ZFR: variants seen among roughly 807,000 people sequenced by gnomAD.
The protein encoded by ZFR is zinc finger RNA-binding protein.
In ZFR, 19 loss-of-function variants were observed where a neutral mutation model predicts 130.7. The observed-to-expected ratio is 0.15, with a 90% CI of 0.10 to 0.21. The LOEUF (loss-of-function observed/expected upper bound fraction) is 0.21, where lower values mean the gene tolerates loss of function less well. ZFR is among the 10% of genes least tolerant of loss of function. The pLI is 1.00. For synonymous variants in ZFR, 466 were observed against 456.9 expected, an observed-to-expected ratio of 1.02 and a Z score of -0.25; for missense variants, 872 against 1,321.5, an observed-to-expected ratio of 0.66 and a Z score of 5.27.
At chr5:32,378,260 A>G (rs1331243436) in intron 17 of ZFR, among the ~76,000 whole-genome samples, 2 of 152,222 alleles carry the variant, frequency 1.3e-5, no homozygotes, top group African/African-American at 4.8e-5. Context: ...TGTCTATCAA[A>G]TGAATGTAAG....
intron 11 of ZFR, among the ~76,000 whole-genome samples, chr5:32,391,831 T>C (rs1204625906): frequency 2.6e-5 from 4 of 151,938 alleles, no homozygotes; most frequent in Admixed American, 2.6e-4. Context: ...CCTCCCATGA[T>C]CAGGTGATCC....
intron 2 of ZFR, among the ~76,000 whole-genome samples, chr5:32,433,061 G>C (rs1412873058): frequency 1.3e-5 from 2 of 152,060 alleles, no homozygotes; most frequent in Non-Finnish European, 1.5e-5. Context: ...ACTAGAATAA[G>C]ACAGCTTATC....
intron 11 of ZFR, among the ~76,000 whole-genome samples, chr5:32,393,764 C>T (rs984043087): frequency 6.6e-6 from 1 of 152,190 alleles, no homozygotes; most frequent in African/African-American, 2.4e-5. Context: ...CTGAGTTATG[C>T]TATCCAGTAT....
intron 15 of ZFR, among the ~76,000 whole-genome samples, chr5:32,384,246 A>T (rs1752989378): frequency 7.0e-6 from 1 of 143,122 alleles, no homozygotes; most frequent in Non-Finnish European, 1.5e-5. Flanking sequence ...ACCTGACCAG[A>T]TTGACTCAGG....
rs1245899118 is a variant in ZFR, at chr5:32,396,736, TC to T, written c.1833+482del. ...TCCAGCCTTGGCTACAGAGCGAGAC[TC>T]CATCTCATTAAAAAAAAAAACTTCA... is the stretch of plus-strand genomic sequence containing the variant. On this transcript the variant is annotated intron_variant, in intron 10 of 19. Coordinates refer to ENST00000265069, the MANE Select transcript of ZFR (RefSeq NM_016107.5). Among the ~76,000 whole-genome samples the T allele has an allele frequency of 4.0e-5, 6 of 151,866 alleles. No homozygotes were observed. In the East Asian group the frequency reaches 1.2e-3, roughly 29 times the overall value.
intron 15 of ZFR, among the ~76,000 whole-genome samples, chr5:32,380,646 ATTTCTTT>A (rs763215987): frequency 8.4e-6 from 1 of 119,246 alleles, no homozygotes; most frequent in Non-Finnish European, 1.7e-5. Flanking sequence ...CAAAACAGGC[ATTTCTTT>A]TTTTTTTTTT....
intron 11 of ZFR, among the ~76,000 whole-genome samples, chr5:32,392,012 C>G (rs1753191668): frequency 6.6e-6 from 1 of 152,166 alleles, no homozygotes; most frequent in Non-Finnish European, 1.5e-5. Context: ...GGATTACAGG[C>G]AGTGTGTCAC....
chr5:32,401,721 A>G (rs534335311), intron 8 of ZFR, among the ~76,000 whole-genome samples: 18 of 152,330 alleles, frequency 1.2e-4, no homozygotes, highest in Middle Eastern at 3.4e-3. Context: ...AGACTAACAC[A>G]ATAGATATGT....
At chr5:32,420,493 T>C (rs758521546) in intron 2 of ZFR, among the ~76,000 whole-genome samples, 18 of 152,098 alleles carry the variant, frequency 1.2e-4, no homozygotes, top group Non-Finnish European at 2.1e-4. Flanking sequence ...TTGTACAGTT[T>C]TACAAATCTC....
intron 2 of ZFR, among the ~76,000 whole-genome samples, chr5:32,436,591 A>G (rs1011261988): frequency 1.3e-5 from 2 of 152,194 alleles, no homozygotes; most frequent in African/African-American, 4.8e-5. Flanking sequence ...ATTGATAGAG[A>G]TATAATATAT....
At chr5:32,387,262 T>G (rs1463320412) in intron 14 of ZFR, among the ~76,000 whole-genome samples, 1 of 152,180 alleles carries the variant, frequency 6.6e-6, no homozygotes, top group African/African-American at 2.4e-5. Context: ...CTTCTTATGA[T>G]TCAAGTCTTG....
intron 2 of ZFR, among the ~76,000 whole-genome samples, chr5:32,437,925 A>G (rs1408405956): frequency 2.0e-5 from 3 of 152,156 alleles, no homozygotes; most frequent in African/African-American, 4.8e-5. Context: ...TTTTTAGCTG[A>G]ACACTCTCCT....
chr5:32,424,792 A>C lies in ZFR; in HGVS notation c.138-4689T>G, dbSNP rs1430469527. Among the ~76,000 whole-genome samples, 4 of 152,218 alleles carry C rather than the reference A, an allele frequency of 2.6e-5. No homozygotes were observed. In the South Asian group the frequency reaches 6.2e-4, roughly 24 times the overall value. ...ATAAATACTATTGATAAGATAAAAC[A>C]GTTTTTGCTTTAAAGTTTTAGAATC... On this transcript the variant is annotated intron_variant, in intron 2 of 19. Coordinates refer to ENST00000265069, the MANE Select transcript of ZFR (RefSeq NM_016107.5).
chr5:32,397,478 G>C lies in ZFR; in HGVS notation c.1714-140C>G, dbSNP rs1753341088. The C allele has an allele frequency of 5.4e-6, 6 of 1,104,364 alleles. No homozygotes were observed. In the South Asian group the frequency reaches 6.8e-5, roughly 13 times the overall value. 68.4% of individuals were successfully genotyped at this position (1,104,364 alleles called of 1,614,324 possible). A position where few individuals can be genotyped will look rare whatever the true frequency, so the allele number is the denominator to read the frequency against. On this transcript the variant is annotated intron_variant, in intron 9 of 19. Coordinates refer to ENST00000265069, the MANE Select transcript of ZFR (RefSeq NM_016107.5). ...TTACATTTTTTTTTTCCCCAGGACAGAGTCTTGCTCTGTCGCCCATGCTGG... is the reference window on the plus strand; with the variant it reads ...TTACATTTTTTTTTTCCCCAGGACACAGTCTTGCTCTGTCGCCCATGCTGG...
At chr5:32,368,419 G>A (rs1385436997) in intron 17 of ZFR, among the ~76,000 whole-genome samples, 1 of 152,168 alleles carries the variant, frequency 6.6e-6, no homozygotes, top group Non-Finnish European at 1.5e-5. Context: ...ATTTTTAGTA[G>A]AGATGGGAGT....
intron 2 of ZFR, among the ~76,000 whole-genome samples, chr5:32,439,445 T>A (rs1754411179): frequency 6.6e-6 from 1 of 152,194 alleles, no homozygotes; most frequent in South Asian, 2.1e-4. Flanking sequence ...CTCATTAGCT[T>A]ATCAGCCTAT....
chr5:32,432,117 G>A (rs145904268), intron 2 of ZFR, among the ~76,000 whole-genome samples: 2 of 151,810 alleles, frequency 1.3e-5, no homozygotes, highest in African/African-American at 4.8e-5. Context: ...TCAGCCTCCT[G>A]AGTAGCTGGG....
At chr5:32,437,739 A>G (rs1429710763) in intron 2 of ZFR, among the ~76,000 whole-genome samples, 1 of 152,196 alleles carries the variant, frequency 6.6e-6, no homozygotes, top group Admixed American at 6.5e-5. Flanking sequence ...AAACAGACAT[A>G]TATTAGATAT....
chr5:32,363,718 A>C (rs1438478356), intron 19 of ZFR, among the ~76,000 whole-genome samples: 1 of 152,224 alleles, frequency 6.6e-6, no homozygotes, highest in Non-Finnish European at 1.5e-5. Context: ...ATAATATACA[A>C]TACACTTACT....
Sources: allele counts gnomAD v4.1 joint callset (sites outside exome capture counted in the v4.1 genomes callset), GRCh38; gene constraint gnomAD v4.1.1; transcripts MANE v1.5; gene names NCBI Gene and HGNC (gene_info 2026-07-23, HGNC 2026-07-21).